MDFIC: variants seen among roughly 807,000 people sequenced by gnomAD.
MDFIC encodes the protein myoD family inhibitor domain-containing protein.
In MDFIC, 17 loss-of-function variants were observed where a neutral mutation model predicts 23.2. That is an observed-to-expected ratio of 0.73 (90% CI 0.50 to 1.10). MDFIC has a LOEUF of 1.10. Among genes scored for constraint, MDFIC ranks in the 50% least tolerant of loss-of-function variants. The pLI is 0.00. For missense variants in MDFIC, 356 were observed against 316.6 expected, an observed-to-expected ratio of 1.12 and a Z score of -0.95; for synonymous variants, 120 against 115.2, an observed-to-expected ratio of 1.04 and a Z score of -0.27.
chr7:114,936,426 T>C (rs1792424393), intron 2 of MDFIC, among the ~76,000 whole-genome samples: 1 of 152,188 alleles, frequency 6.6e-6, no homozygotes, highest in Non-Finnish European at 1.5e-5. Context: ...TGCTTGATTG[T>C]AAATTATTGG....
At chr7:114,966,750 T>C (rs911096403) in intron 3 of MDFIC, among the ~76,000 whole-genome samples, 1 of 152,218 alleles carries the variant, frequency 6.6e-6, no homozygotes, top group Admixed American at 6.5e-5. Flanking sequence ...TTTTCAAATA[T>C]TGTTTCTGGG....
chr7:115,010,273 T>C (rs977779926), intron 4 of MDFIC, among the ~76,000 whole-genome samples: 1 of 152,196 alleles, frequency 6.6e-6, no homozygotes, highest in Non-Finnish European at 1.5e-5. Flanking sequence ...GAACTATAAC[T>C]ACTGTTTCTT....
intron 2 of MDFIC, among the ~76,000 whole-genome samples, chr7:114,938,535 A>G (rs1258408002): frequency 6.6e-6 from 1 of 152,134 alleles, no homozygotes. Context: ...ACTTGAGTTG[A>G]AATCTCTTAG....
At chr7:114,947,027 C>T (rs1792660082) in intron 3 of MDFIC, among the ~76,000 whole-genome samples, 1 of 152,084 alleles carries the variant, frequency 6.6e-6, no homozygotes, top group Non-Finnish European at 1.5e-5. Context: ...AAGCAAAGAG[C>T]ATTAAGAGGT....
At chr7:114,990,377 T>G (rs537626365) in intron 4 of MDFIC, among the ~76,000 whole-genome samples, 4 of 152,178 alleles carry the variant, frequency 2.6e-5, no homozygotes, top group Admixed American at 2.6e-4. Context: ...ATACTTTAAG[T>G]TCTAGGATAC....
chr7:114,926,847 T>C (rs191301743), intron 2 of MDFIC, among the ~76,000 whole-genome samples: 6 of 152,326 alleles, frequency 3.9e-5, no homozygotes, highest in Admixed American at 2.6e-4. Context: ...CTTGTACATA[T>C]CTGTATTCTT....
At chr7:115,011,995 T>C (rs1238734319) in intron 4 of MDFIC, among the ~76,000 whole-genome samples, 1 of 152,238 alleles carries the variant, frequency 6.6e-6, no homozygotes, top group Non-Finnish European at 1.5e-5. Flanking sequence ...AATTATCAGA[T>C]TTTTCTATCT....
chr7:114,934,196 C>T (rs1313641092), intron 2 of MDFIC, among the ~76,000 whole-genome samples: 1 of 152,016 alleles, frequency 6.6e-6, no homozygotes, highest in African/African-American at 2.4e-5. Flanking sequence ...TTTGCTGTGC[C>T]TCAAGGTCAA....
At chr7:114,977,120 T>A (rs929222353) in intron 3 of MDFIC, among the ~76,000 whole-genome samples, 7 of 152,196 alleles carry the variant, frequency 4.6e-5, no homozygotes, top group Non-Finnish European at 8.8e-5. Flanking sequence ...TCACAATGAA[T>A]GTTTTTTGTT....
At chr7:114,964,767 T>C (rs1283811537) in intron 3 of MDFIC, among the ~76,000 whole-genome samples, 1 of 152,174 alleles carries the variant, frequency 6.6e-6, no homozygotes, top group African/African-American at 2.4e-5. Flanking sequence ...GCCAGGCTGG[T>C]CTCGAACTCG....
At chr7:115,014,475 C>T (rs569603339) in intron 4 of MDFIC, 1 of 1,289,744 alleles carries the variant, frequency 7.8e-7, no homozygotes, top group East Asian at 5.5e-5. Flanking sequence ...TGCTGACACT[C>T]CATCGAAGGC....
chr7:114,980,371 C>T (rs1250864368), intron 4 of MDFIC, among the ~76,000 whole-genome samples: 1 of 152,166 alleles, frequency 6.6e-6, no homozygotes, highest in Non-Finnish European at 1.5e-5. Flanking sequence ...GTCTTCACCT[C>T]CTCCTTTAGA....
intron 2 of MDFIC, among the ~76,000 whole-genome samples, chr7:114,940,237 T>C (rs1563137531): frequency 6.6e-6 from 1 of 152,216 alleles, no homozygotes; most frequent in Non-Finnish European, 1.5e-5. Flanking sequence ...TAAGACCCCA[T>C]TTGGTTCAGA....
chr7:114,925,036 A>T (rs933417950), intron 2 of MDFIC, among the ~76,000 whole-genome samples: 1 of 152,136 alleles, frequency 6.6e-6, no homozygotes, highest in Non-Finnish European at 1.5e-5. Flanking sequence ...TAATAATTCT[A>T]CGGTAGGATA....
chr7:115,010,420 G>T (rs1791658925), intron 4 of MDFIC, among the ~76,000 whole-genome samples: 1 of 152,092 alleles, frequency 6.6e-6, no homozygotes, highest in South Asian at 2.1e-4. Flanking sequence ...ATAACAATCA[G>T]ATCATTTAAA....
intron 3 of MDFIC, among the ~76,000 whole-genome samples, chr7:114,950,119 G>A (rs1159497511): frequency 6.6e-6 from 1 of 152,248 alleles, no homozygotes; most frequent in East Asian, 1.9e-4. Flanking sequence ...CTATATTTTA[G>A]GATGATGACT....
At chr7:114,945,814 T>G (rs763215172) in intron 3 of MDFIC, among the ~76,000 whole-genome samples, 4 of 152,172 alleles carry the variant, frequency 2.6e-5, no homozygotes, top group Non-Finnish European at 5.9e-5. Flanking sequence ...TAATTGGAAA[T>G]TCTCTTTTTT....
intron 3 of MDFIC, among the ~76,000 whole-genome samples, chr7:114,966,006 T>G (rs1182850761): frequency 6.6e-6 from 1 of 152,146 alleles, no homozygotes; most frequent in Non-Finnish European, 1.5e-5. Context: ...GCCAAAAGGA[T>G]GCTGCTTCTA....
chr7:114,972,913 A>G (rs1178949786), intron 3 of MDFIC, among the ~76,000 whole-genome samples: 1 of 152,048 alleles, frequency 6.6e-6, no homozygotes, highest in Non-Finnish European at 1.5e-5. Context: ...CAGATTGTCT[A>G]CTTTCTAAGG....
Sources: allele counts gnomAD v4.1 joint callset (sites outside exome capture counted in the v4.1 genomes callset), GRCh38; gene constraint gnomAD v4.1.1; transcripts MANE v1.5; gene names NCBI Gene and HGNC (gene_info 2026-07-23, HGNC 2026-07-21).